AMER1: variants seen among roughly 807,000 people sequenced by gnomAD.
AMER1 encodes the protein APC membrane recruitment protein 1.
A neutral mutation model predicts 53.0 loss-of-function variants in AMER1; 16 were observed. The observed-to-expected ratio is 0.30, with a 90% confidence interval of 0.20 to 0.46. The LOEUF is 0.46. Ranked by LOEUF, AMER1 falls within the 20% of genes least tolerant of loss-of-function variation. The pLI, the probability that AMER1 is intolerant of heterozygous loss-of-function variation, is 1.00. For synonymous variants in AMER1, 354 were observed against 331.9 expected (o/e 1.07, Z -0.73); for missense variants, 947 against 884.9 (o/e 1.07, Z -0.89).
In AMER1 at chrX:64,191,301, T is replaced by C. The variant is rs1019533923; in HGVS notation, c.1986A>G (p.Ser662=). The C allele has an allele frequency of 1.7e-6, 2 of 1,211,787 alleles. No individual in the cohort carries two copies. Among genetic ancestry groups the C allele is most frequent in the African/African-American group, 3.5e-5 (2 of 57,802 alleles). ...LEYQMRPLGP[S]VMGLAAGVSG... ...ATACCCCTGCTGCCAGGCCCATCAC[T>C]GATGGGCCTAAGGGCCTCATCTGAT... The change falls in exon 2 of 2, where the codon TCA becomes TCG. Residue 662 remains serine, a synonymous_variant. Coordinates refer to ENST00000374869, the MANE Select transcript of AMER1 (RefSeq NM_152424.4).
chrX:64,191,511 C>G lies in AMER1; in HGVS notation c.1776G>C (p.Glu592Asp), dbSNP rs1321518379. The part of the protein sequence containing the change: ...EARAREAHAR[E>D]AHAREAYTRE... ...GAGTATAGGCCTCCCTGGCGTGGGC[C>G]TCCCTGGCATGAGCTTCTCGGGCAC... is the stretch of plus-strand genomic sequence containing the variant. Residue 592 changes from glutamate (E) to aspartate (D), a missense_variant, in exon 2 of 2, where the codon GAG (glutamate) becomes GAC (aspartate). Coordinates refer to ENST00000374869, the MANE Select transcript of AMER1 (RefSeq NM_152424.4). The G allele has an allele frequency of 8.2e-7, 1 of 1,212,229 alleles. No individual in the cohort carries two copies. Among genetic ancestry groups the G allele is most frequent in the Middle Eastern group, 2.3e-4 (1 of 4,354 alleles).
chrX:64,187,727 C>G lies in AMER1; in HGVS notation c.*2152G>C. 3.9e-6 allele frequency: 3 copies of G among 775,094 alleles called. No homozygotes were observed. The highest frequency in any genetic ancestry group is 4.6e-6 in the Non-Finnish European group (3 of 651,261). The allele number at this position is 775,094 out of a possible 1,213,427, so 63.9% of individuals were successfully genotyped here. A position where few individuals can be genotyped will look rare whatever the true frequency, so the allele number is the denominator to read the frequency against. ...GCATTTGGTGAGTGTTTACTTCCTG[C>G]CAAATAGCCAGGCCAATTTCAGCCC... is the stretch of plus-strand genomic sequence containing the variant. On this transcript the variant is annotated 3_prime_UTR_variant, in exon 2 of 2. Coordinates refer to ENST00000374869, the MANE Select transcript of AMER1 (RefSeq NM_152424.4).
rs587778026 is a variant in AMER1, at chrX:64,191,336, C to T, written c.1951G>A (p.Val651Ile). The change falls in exon 2 of 2, where the codon GTC (valine) becomes ATC (isoleucine). Residue 651 changes from valine to isoleucine, a missense_variant. Physicochemically the swap from Val to Ile is conservative, Grantham distance 29. Coordinates refer to ENST00000374869, the MANE Select transcript of AMER1 (RefSeq NM_152424.4). ...RETQARQEKP[V>I]LEYQMRPLGP... The stretch of plus-strand genomic sequence containing the variant: ...AAGGGCCTCATCTGATACTCTAAGA[C>T]GGGCTTCTCCTGCCGGGCCTGGGTC... 120 of 1,209,936 alleles carry T rather than the reference C, an allele frequency of 9.9e-5. No homozygotes were observed. Among genetic ancestry groups the T allele is most frequent in the Admixed American group, 6.1e-4 (28 of 45,868 alleles).
rs777384643 is a variant in AMER1, at chrX:64,198,659, T to C, written c.-98-5275A>G. Among the ~76,000 whole-genome samples, 4 of 111,733 alleles carry C rather than the reference T, an allele frequency of 3.6e-5. No homozygotes were observed. The East Asian group carries it at 1.1e-3, about 31-fold the overall frequency. ...ACCTCTGTCCCAGCCCTGCTAAGCC[T>C]TCTTTGCCACATTTCCAGTCCTCAC... On this transcript the variant is annotated intron_variant, in intron 1 of 1. Transcript: ENST00000374869.
At chrX:64,205,220 G>T (rs1044882970) in intron 1 of AMER1, among the ~76,000 whole-genome samples, 16 of 113,753 alleles carry the variant, frequency 1.4e-4, no homozygotes, top group Non-Finnish European at 3.0e-4. Context: ...ACAAATGCAT[G>T]GCTTGGGGTG....
rs1930147070 is a variant in AMER1, at chrX:64,188,240, G to A, written c.*1639C>T. 2.5e-6 allele frequency: 2 copies of A among 803,570 alleles called. No homozygotes were observed. The highest frequency in any genetic ancestry group is 3.0e-6 in the Non-Finnish European group (2 of 669,393). The allele number at this position is 803,570 out of a possible 1,213,427, so 66.2% of individuals were successfully genotyped here. ...GATGGTGGGATGTGAGGGCGAGGGTGCAATAATCATAATTTGAGTGAACAC... is the reference window on the plus strand; with the variant it reads ...GATGGTGGGATGTGAGGGCGAGGGTACAATAATCATAATTTGAGTGAACAC... On this transcript the variant is annotated 3_prime_UTR_variant, in exon 2 of 2. Transcript: ENST00000374869.
At position 64,190,561 on chromosome X, in the gene AMER1, G is replaced by T. The variant is rs1372940225; in HGVS notation, c.2726C>A (p.Ser909Tyr). Residue 909 changes from serine to tyrosine, a missense_variant, in exon 2 of 2, where the codon TCC becomes TAC. Coordinates refer to ENST00000374869, the MANE Select transcript of AMER1 (RefSeq NM_152424.4). ...CTCGAGGTAGCCCTGGACCAAGTGG[G>T]AATTGGAGAGCTCCATCTCCAGGGT... ...AETLEMELSN[S>Y]HLVQGYLESD... 8.3e-7 allele frequency: 1 copy of T among 1,211,820 alleles called. No homozygotes were observed. Among genetic ancestry groups the T allele is most frequent in the Non-Finnish European group, 1.1e-6 (1 of 895,410 alleles).
At chrX:64,201,585 A>G (rs758714735) in intron 1 of AMER1, among the ~76,000 whole-genome samples, 1 of 111,596 alleles carries the variant, frequency 9.0e-6, no homozygotes, top group East Asian at 2.8e-4. Context: ...CAGAAAGGCT[A>G]TGAAATATTG....
chrX:64,197,866 G>T (rs1362267462), intron 1 of AMER1, among the ~76,000 whole-genome samples: 2 of 112,646 alleles, frequency 1.8e-5, no homozygotes, highest in Non-Finnish European at 1.9e-5. Flanking sequence ...ACCTCTTAAG[G>T]CTATTGTAAG....
chrX:64,195,751 T>C (rs1930353060), intron 1 of AMER1, among the ~76,000 whole-genome samples: 2 of 112,708 alleles, frequency 1.8e-5, no homozygotes, highest in South Asian at 7.4e-4. Context: ...AGGTCCCTGG[T>C]TCCAAAAAGG....
rs777691166 is a variant in AMER1 at position 64,187,151 on chromosome X, C to G, written c.*2728G>C. On this transcript the variant is annotated 3_prime_UTR_variant, in exon 2 of 2. Transcript: ENST00000374869. The stretch of plus-strand genomic sequence containing the variant: ...AAACAGGCCTGAAGCTTGGCTGGCT[C>G]TCCCAATGTCACCCTGTGCTGTCAA... 96 of 785,095 alleles carry G rather than the reference C, an allele frequency of 1.2e-4. No individual in the cohort carries two copies. Among genetic ancestry groups the G allele is most frequent in the Non-Finnish European group, 1.4e-4 (90 of 658,546 alleles). The allele number at this position is 785,095 out of a possible 1,213,427, so 64.7% of individuals were successfully genotyped here.
In AMER1 at chrX:64,189,009, G is replaced by A; in HGVS notation, c.*870C>T. 1.7e-5 allele frequency: 14 copies of A among 806,340 alleles called. No individual in the cohort carries two copies. The highest frequency in any genetic ancestry group is 2.1e-5 in the Non-Finnish European group (14 of 671,264). The allele number at this position is 806,340 out of a possible 1,213,427, so 66.5% of individuals were successfully genotyped here. A position where few individuals can be genotyped will look rare whatever the true frequency, so the allele number is the denominator to read the frequency against. On this transcript the variant is annotated 3_prime_UTR_variant, in exon 2 of 2. Transcript: ENST00000374869. ...ATCATTCCGGAGCTCAACACTCTAT[G>A]GCAGTGTCCACAACAGAACCTTGTT...
intron 1 of AMER1, among the ~76,000 whole-genome samples, chrX:64,196,384 T>C (rs969117306): frequency 1.8e-5 from 2 of 112,247 alleles, no homozygotes; most frequent in South Asian, 3.7e-4. Context: ...GATGTGATAA[T>C]AGGCACAAAA....
chrX:64,189,793 A>AGGGGGGCCCCCCCCCCC lies in AMER1; in HGVS notation c.*85_*86insGGGGGGGGGGGCCCCCC. On this transcript the variant is annotated 3_prime_UTR_variant, in exon 2 of 2. Coordinates refer to ENST00000374869, the MANE Select transcript of AMER1 (RefSeq NM_152424.4). ...CAAAGGGTTTTCAAGTTAAACAACA[A>AGGGGGGCCCCCCCCCCC]CCCCCACCCCCCCACCCTTCTGCCC... 6.8e-6 allele frequency: 2 copies of AGGGGGGCCCCCCCCCCC among 292,072 alleles called. No homozygotes were observed. Among genetic ancestry groups the AGGGGGGCCCCCCCCCCC allele is most frequent in the East Asian group, 1.7e-4 (1 of 5,962 alleles). 24.1% of individuals were successfully genotyped at this position (292,072 alleles called of 1,213,427 possible).
rs746615931 is a variant in AMER1 at position 64,190,833 on chromosome X, C to T, written c.2454G>A (p.Gly818=). 6.4e-5 allele frequency: 77 copies of T among 1,209,924 alleles called. No individual in the cohort carries two copies. Among genetic ancestry groups the T allele is most frequent in the Non-Finnish European group, 8.0e-5 (72 of 895,188 alleles). ...CAGGATTCTCTTCACACTTGCCTTC[C>T]CCATCCCGTTCCACATCAGCGATGT... The part of the protein sequence containing the change: ...TFDIADVERD[G]EGKCEENPEF... Residue 818 remains glycine, a synonymous_variant, in exon 2 of 2, where the codon GGG becomes GGA. Transcript: ENST00000374869.
chrX:64,194,479 A>T (rs1265785013), intron 1 of AMER1, among the ~76,000 whole-genome samples: 1 of 111,774 alleles, frequency 8.9e-6, no homozygotes, highest in African/African-American at 3.3e-5. Context: ...AGACCTAGCC[A>T]CTACCCACCA....
rs773592043 is a variant in AMER1 at position 64,190,075 on chromosome X, G to C, written c.3212C>G (p.Pro1071Arg). 1.7e-6 allele frequency: 2 copies of C among 1,204,811 alleles called. No homozygotes were observed. The highest frequency in any genetic ancestry group is 2.2e-6 in the Non-Finnish European group (2 of 891,675). ...SSSSGGFSPS[P>R]LPQAKPVGIT... is the part of the protein sequence containing the mutation. ...GCCCACAGGCTTGGCCTGTGGTAGA[G>C]GGCTGGGGCTGAAGCCTCCAGAACT... The change falls in exon 2 of 2, where the codon CCT becomes CGT. Residue 1071 changes from proline (P) to arginine (R), a missense_variant. Physicochemically the swap from Pro to Arg is moderately radical, Grantham distance 103. Transcript: ENST00000374869.
intron 1 of AMER1, among the ~76,000 whole-genome samples, chrX:64,197,558 G>A (rs1930399600): frequency 8.9e-6 from 1 of 112,947 alleles, no homozygotes; most frequent in Non-Finnish European, 1.9e-5. Context: ...TGAATTGGGG[G>A]AAGAAAAAGA....
At position 64,189,793 on chromosome X, in the gene AMER1, A is replaced by AGGGGGGGGCC. The variant is rs1930198315; in HGVS notation, c.*85_*86insGGCCCCCCCC. 5 of 292,057 alleles carry AGGGGGGGGCC rather than the reference A, an allele frequency of 1.7e-5. No individual in the cohort carries two copies. Among genetic ancestry groups the AGGGGGGGGCC allele is most frequent in the Non-Finnish European group, 2.4e-5 (5 of 204,816 alleles). The allele number at this position is 292,057 out of a possible 1,213,427, so 24.1% of individuals were successfully genotyped here. A position where few individuals can be genotyped will look rare whatever the true frequency, so the allele number is the denominator to read the frequency against. ...CAAAGGGTTTTCAAGTTAAACAACA[A>AGGGGGGGGCC]CCCCCACCCCCCCACCCTTCTGCCC... On this transcript the variant is annotated 3_prime_UTR_variant, in exon 2 of 2. Transcript: ENST00000374869.
Sources: allele counts gnomAD v4.1 joint callset (sites outside exome capture counted in the v4.1 genomes callset), GRCh38; gene constraint gnomAD v4.1.1; transcripts MANE v1.5; gene names NCBI Gene and HGNC (gene_info 2026-07-23, HGNC 2026-07-21).